Variants in C6 observed in about 807,000 individuals in gnomAD.
C6 encodes the protein complement component C6.
A neutral mutation model predicts 112.9 loss-of-function variants in C6; 101 were observed. The ratio of observed to expected loss-of-function variants is 0.89; its 90% CI spans 0.76 to 1.06. The LOEUF (loss-of-function observed/expected upper bound fraction) is 1.06, where lower values mean the gene tolerates loss of function less well. C6 is among the 50% of genes least tolerant of loss of function. The probability of loss-of-function intolerance (pLI) is 0.00; values close to 1 mark genes in which losing one functional copy is unlikely to be tolerated. For synonymous variants in C6, 431 were observed against 384.1 expected (o/e 1.12, Z -1.43); for missense variants, 1,202 against 1,104.6 (o/e 1.09, Z -1.25).
intron 1 of C6, among the ~76,000 whole-genome samples, chr5:41,234,359 T>A (rs903133337): frequency 7.1e-6 from 1 of 140,428 alleles, no homozygotes; most frequent in Non-Finnish European, 1.5e-5. Flanking sequence ...TGTTTTTTGT[T>A]TTTTGTTTTT....
At chr5:41,196,669 T>C (rs1331981934) in intron 4 of C6, among the ~76,000 whole-genome samples, 4 of 151,292 alleles carry the variant, frequency 2.6e-5, no homozygotes, top group Non-Finnish European at 5.9e-5. Context: ...CTATCTATTT[T>C]ACTATATATA....
rs1443051585 is a variant in C6 at position 41,142,561 on chromosome 5, A to G, written c.*264T>C. The G allele has an allele frequency of 1.4e-5, 7 of 497,066 alleles. No homozygotes were observed. The highest frequency in any genetic ancestry group is 1.1e-5 in the Non-Finnish European group (3 of 273,144). The allele number at this position is 497,066 out of a possible 1,614,324, so 30.8% of individuals were successfully genotyped here. On this transcript the variant is annotated 3_prime_UTR_variant, in exon 18 of 18. Coordinates refer to ENST00000337836, the MANE Select transcript of C6 (RefSeq NM_000065.5). ...GCCTCAGAAGTCACATTATTTTTGT[A>G]CAATGTGAACAGGAGAATTTACGAG...
intron 7 of C6, among the ~76,000 whole-genome samples, chr5:41,179,339 T>C (rs1232903967): frequency 6.6e-6 from 1 of 152,176 alleles, no homozygotes; most frequent in African/African-American, 2.4e-5. Context: ...TACATATAAA[T>C]CACATACGTG....
intron 1 of C6, among the ~76,000 whole-genome samples, chr5:41,211,280 T>TA: frequency 6.6e-6 from 1 of 150,790 alleles, no homozygotes; most frequent in Non-Finnish European, 1.5e-5. Flanking sequence ...GACATATACC[T>TA]AATGCTAAAT....
At chr5:41,175,251 C>A (rs1334760793) in intron 8 of C6, among the ~76,000 whole-genome samples, 2 of 152,162 alleles carry the variant, frequency 1.3e-5, no homozygotes, top group East Asian at 1.9e-4. Flanking sequence ...TGACAGATGT[C>A]ACAGCTAGAT....
intron 1 of C6, among the ~76,000 whole-genome samples, chr5:41,257,078 C>T (rs1178939347): frequency 6.6e-6 from 1 of 151,998 alleles, no homozygotes; most frequent in East Asian, 1.9e-4. Context: ...AGGTTTGTTA[C>T]AACGGTAAAT....
intron 1 of C6, among the ~76,000 whole-genome samples, chr5:41,204,216 C>T (rs1751249787): frequency 1.3e-5 from 2 of 152,166 alleles, no homozygotes; most frequent in African/African-American, 4.8e-5. Flanking sequence ...TTTTCTGTCT[C>T]AGTTTCACTA....
chr5:41,154,260 A>G (rs1294086392), intron 14 of C6, among the ~76,000 whole-genome samples: 1 of 152,174 alleles, frequency 6.6e-6, no homozygotes, highest in Non-Finnish European at 1.5e-5. Context: ...CTTTTATGAA[A>G]TCATTGGGAC....
intron 1 of C6, among the ~76,000 whole-genome samples, chr5:41,257,363 A>G (rs966993423): frequency 2.0e-5 from 3 of 151,934 alleles, no homozygotes; most frequent in Non-Finnish European, 2.9e-5. Flanking sequence ...TCATTTTTTC[A>G]TGGCTGCATA....
chr5:41,203,160 C>T lies in C6; in HGVS notation c.71G>A (p.Cys24Tyr). 1 of 1,614,074 alleles carries T rather than the reference C, an allele frequency of 6.2e-7. No individual in the cohort carries two copies. The highest frequency in any genetic ancestry group is 8.5e-7 in the Non-Finnish European group (1 of 1,179,968). Reference sequence around the variant, plus strand: ...CCACTGAGTCCATGCATAGTGATCACAGAAGCAGGCTTGGCCCTTGTTGAT... The same window carrying T: ...CCACTGAGTCCATGCATAGTGATCATAGAAGCAGGCTTGGCCCTTGTTGAT... Reference protein sequence around the residue: ...ALINKGQACFCDHYAWTQWTS... With the variant: ...ALINKGQACFYDHYAWTQWTS... The change falls in exon 2 of 18, where the codon TGT (cysteine) becomes TAT (tyrosine). Residue 24 changes from cysteine (C) to tyrosine (Y), a missense_variant. Cys to Tyr is a radical substitution (Grantham distance 194, BLOSUM62 -2). Coordinates refer to ENST00000337836, the MANE Select transcript of C6 (RefSeq NM_000065.5).
intron 1 of C6, among the ~76,000 whole-genome samples, chr5:41,218,950 A>G (rs1415407320): frequency 6.6e-6 from 1 of 152,180 alleles, no homozygotes; most frequent in Non-Finnish European, 1.5e-5. Flanking sequence ...CCTTCTAGTA[A>G]ACTATACTTT....
chr5:41,249,300 A>T (rs1741200786), intron 1 of C6, among the ~76,000 whole-genome samples: 1 of 152,198 alleles, frequency 6.6e-6, no homozygotes. Context: ...AGTTGAAATT[A>T]CATTAAAAAA....
chr5:41,157,430 A>G (rs947387814), intron 13 of C6, among the ~76,000 whole-genome samples: 1 of 152,224 alleles, frequency 6.6e-6, no homozygotes, highest in African/African-American at 2.4e-5. Flanking sequence ...GCTTTTCTAT[A>G]AGTGGCCTGG....
chr5:41,176,611 A>T lies in C6; in HGVS notation c.1032T>A (p.His344Gln). 2 of 1,613,950 alleles carry T rather than the reference A, an allele frequency of 1.2e-6. No homozygotes were observed. The highest frequency in any genetic ancestry group is 1.7e-6 in the Non-Finnish European group (2 of 1,179,884). Reference sequence around the variant, plus strand: ...AAGCAGAGTTGTATTCTAGAGGCAGATGGTTAAGTGCTTTCAAAAAGACAT... The same window carrying T: ...AAGCAGAGTTGTATTCTAGAGGCAGTTGGTTAAGTGCTTTCAAAAAGACAT... ...LSDVFLKALN[H>Q]LPLEYNSALY... is the part of the protein sequence containing the mutation. Residue 344 changes from histidine (H) to glutamine (Q), a missense_variant, in exon 8 of 18, where the codon CAT (histidine) becomes CAA (glutamine). Physicochemically the swap from His to Gln is conservative, Grantham distance 24 (BLOSUM62 0). Transcript: ENST00000337836.
rs61132411 is a variant in C6, at chr5:41,260,448, A to ACC, written c.-21+744_-21+745dup. 5.0e-4 allele frequency among the ~76,000 whole-genome samples: 72 copies of ACC among 144,658 alleles called. 1 individual carries two copies. Among genetic ancestry groups the ACC allele is most frequent in the African/African-American group, 1.8e-3 (69 of 38,478 alleles). 94.9% of individuals were successfully genotyped at this position (144,658 alleles called of 152,430 possible). A position where few individuals can be genotyped will look rare whatever the true frequency, so the allele number is the denominator to read the frequency against. On this transcript the variant is annotated intron_variant, in intron 1 of 17. Coordinates refer to the C6 transcript ENST00000263413. ...TTGTTCAGTAAAAACAAACAAATAA[A>ACC]CCCCCCCCCAAAACAAACAAACAAA...
chr5:41,202,551 G>A (rs1333933742), intron 2 of C6, among the ~76,000 whole-genome samples: 1 of 152,186 alleles, frequency 6.6e-6, no homozygotes, highest in Non-Finnish European at 1.5e-5. Context: ...TAACATGTGA[G>A]CATTTCCATG....
chr5:41,170,723 A>G (rs1748359285), intron 9 of C6, among the ~76,000 whole-genome samples: 2 of 152,042 alleles, frequency 1.3e-5, no homozygotes, highest in Non-Finnish European at 2.9e-5. Flanking sequence ...TAAATATTAT[A>G]TTTTATTTGT....
intron 1 of C6, among the ~76,000 whole-genome samples, chr5:41,207,413 A>G (rs1009569036): frequency 2.6e-5 from 4 of 152,348 alleles, no homozygotes; most frequent in Non-Finnish European, 5.9e-5. Flanking sequence ...AAATGCCCCA[A>G]TTAAAAGACA....
At chr5:41,148,479 C>T (rs1466682502) in intron 17 of C6, among the ~76,000 whole-genome samples, 1 of 152,062 alleles carries the variant, frequency 6.6e-6, no homozygotes, top group Non-Finnish European at 1.5e-5. Context: ...TTAGAGTCAC[C>T]CCAAATTAGA....
Sources: allele counts gnomAD v4.1 joint callset (sites outside exome capture counted in the v4.1 genomes callset), GRCh38; gene constraint gnomAD v4.1.1; transcripts MANE v1.5; gene names NCBI Gene and HGNC (gene_info 2026-07-23, HGNC 2026-07-21).